Variants in PDLIM5 observed in about 807,000 individuals in gnomAD.
PDLIM5 encodes the protein PDZ and LIM domain 5.
PDLIM5 carries 34 observed loss-of-function variants against 64.2 expected under a neutral mutation model. The observed-to-expected ratio is 0.53, with a 90% confidence interval of 0.40 to 0.71. PDLIM5 has a LOEUF of 0.71. Among genes scored for constraint, PDLIM5 ranks in the 30% least tolerant of loss-of-function variants. The pLI is 0.00. For missense variants in PDLIM5, 683 were observed against 733.6 expected, an observed-to-expected ratio of 0.93 and a Z score of 0.80; for synonymous variants, 253 against 269.1, an observed-to-expected ratio of 0.94 and a Z score of 0.59.
At chr4:94,573,268 A>C in intron 3 of PDLIM5, 83 bp from the exon 4 acceptor site, 2 of 998,054 alleles carry the variant, frequency 2.0e-6, no homozygotes, top group Non-Finnish European at 3.0e-6. Context: ...GCTATATTAT[A>C]ATAGTAAAAA....
intron 7 of PDLIM5, among the ~76,000 whole-genome samples, chr4:94,595,662 T>C (rs913596383): frequency 6.6e-6 from 1 of 152,220 alleles, no homozygotes; most frequent in Non-Finnish European, 1.5e-5. Flanking sequence ...CAAAATAGAT[T>C]AATGAAGAAA....
chr4:94,496,370 T>C (rs1400748752), intron 2 of PDLIM5, among the ~76,000 whole-genome samples: 1 of 152,240 alleles, frequency 6.6e-6, no homozygotes, highest in African/African-American at 2.4e-5. Flanking sequence ...ATTCCTCTTA[T>C]ACCTTGAATA....
chr4:94,665,743 A>C lies in PDLIM5; in HGVS notation c.*1676A>C, dbSNP rs1219530736. The stretch of plus-strand genomic sequence containing the variant: ...AAAGATTGGTTTGAGGATGTGATGA[A>C]ATTGAGACTTTTTGTGGTTTTCTCT... On this transcript the variant is annotated 3_prime_UTR_variant, in exon 13 of 13. Coordinates refer to ENST00000317968, the MANE Select transcript of PDLIM5 (RefSeq NM_006457.5). 11 of 1,225,806 alleles carry C rather than the reference A, an allele frequency of 9.0e-6. No individual in the cohort carries two copies. The highest frequency in any genetic ancestry group is 1.1e-5 in the Non-Finnish European group (11 of 982,778). 75.9% of individuals were successfully genotyped at this position (1,225,806 alleles called of 1,614,324 possible). A position where few individuals can be genotyped will look rare whatever the true frequency, so the allele number is the denominator to read the frequency against.
chr4:94,534,198 GACAA>G (rs1404521014), intron 3 of PDLIM5, among the ~76,000 whole-genome samples: 1 of 152,096 alleles, frequency 6.6e-6, no homozygotes, highest in Non-Finnish European at 1.5e-5. Context: ...AAGTCAGAAA[GACAA>G]ACAAAAATGT....
chr4:94,540,191 C>T (rs376630818), intron 3 of PDLIM5, among the ~76,000 whole-genome samples: 3 of 149,688 alleles, frequency 2.0e-5, no homozygotes, highest in Admixed American at 1.3e-4. Flanking sequence ...AGTGCAGTGG[C>T]GCGATCTCGG....
At chr4:94,557,217 G>A (rs1274843758) in intron 3 of PDLIM5, among the ~76,000 whole-genome samples, 1 of 152,130 alleles carries the variant, frequency 6.6e-6, no homozygotes, top group Non-Finnish European at 1.5e-5. Context: ...GATGGTTGTA[G>A]ATGTGTGGTA....
chr4:94,561,064 CTTGTCTTTGAAGTCAGTAT>C lies in PDLIM5; in HGVS notation c.249-12285_249-12267del, dbSNP rs112075528. On this transcript the variant is annotated intron_variant, in intron 3 of 12. Coordinates refer to ENST00000317968, the MANE Select transcript of PDLIM5 (RefSeq NM_006457.5). ...TTTTAAAAAATGTACCTATGAGTTGCTTGTCTTTGAAGTCAGTATTAGTGTCGGGTTTATTTGGCAGTCT... is the reference window on the plus strand; with the variant it reads ...TTTTAAAAAATGTACCTATGAGTTGCTAGTGTCGGGTTTATTTGGCAGTCT... Among the ~76,000 whole-genome samples the C allele has an allele frequency of 9.3e-3, 1,417 of 152,234 alleles. 30 individuals carry two copies. The highest frequency in any genetic ancestry group is 0.031 in the African/African-American group (1,295 of 41,534).
At chr4:94,453,244 C>G (rs937391787) in intron 1 of PDLIM5, among the ~76,000 whole-genome samples, 2 of 152,124 alleles carry the variant, frequency 1.3e-5, no homozygotes, top group African/African-American at 4.8e-5. Context: ...GGCTTGGGCA[C>G]TAATAACCAG....
chr4:94,552,733 G>A (rs1320249782), intron 3 of PDLIM5, among the ~76,000 whole-genome samples: 1 of 151,918 alleles, frequency 6.6e-6, no homozygotes, highest in Non-Finnish European at 1.5e-5. Flanking sequence ...TCATAGAGAA[G>A]GATAAGATCT....
intron 2 of PDLIM5, among the ~76,000 whole-genome samples, chr4:94,522,970 T>C (rs1729960990): frequency 6.7e-6 from 1 of 148,726 alleles, no homozygotes; most frequent in African/African-American, 2.6e-5. Flanking sequence ...TCACTTAGTA[T>C]AATATATCTG....
intron 11 of PDLIM5, among the ~76,000 whole-genome samples, chr4:94,661,234 T>A (rs532566478): frequency 2.3e-4 from 35 of 151,288 alleles, no homozygotes; most frequent in South Asian, 6.3e-4. Context: ...ACAAAAAAAA[T>A]TTTTTTTTAA....
chr4:94,501,925 C>G (rs559836309), intron 2 of PDLIM5, among the ~76,000 whole-genome samples: 14 of 152,294 alleles, frequency 9.2e-5, no homozygotes, highest in Middle Eastern at 3.4e-3. Context: ...CTGGATGAGC[C>G]TACTAATGGG....
At chr4:94,608,005 G>A (rs1738064884) in intron 7 of PDLIM5, 2 of 1,305,322 alleles carry the variant, frequency 1.5e-6, no homozygotes, top group South Asian at 1.4e-5. Context: ...AATGTCTTTT[G>A]TACTTTTCAT....
intron 3 of PDLIM5, among the ~76,000 whole-genome samples, chr4:94,538,392 T>C (rs915429776): frequency 7.9e-5 from 12 of 152,210 alleles, no homozygotes; most frequent in African/African-American, 2.2e-4. Flanking sequence ...ATTCAAACTT[T>C]CATTTTGATT....
intron 2 of PDLIM5, among the ~76,000 whole-genome samples, chr4:94,494,066 C>A (rs991819993): frequency 7.2e-5 from 11 of 151,780 alleles, no homozygotes; most frequent in Non-Finnish European, 1.5e-4. Context: ...TTCAAGTGAT[C>A]CTCCCACTTC....
intron 3 of PDLIM5, among the ~76,000 whole-genome samples, chr4:94,571,712 C>A (rs976746274): frequency 3.9e-5 from 6 of 152,106 alleles, no homozygotes; most frequent in Non-Finnish European, 8.8e-5. Flanking sequence ...TAATCTATGA[C>A]ATTGTTAAAG....
At chr4:94,542,625 A>G (rs1380120623) in intron 3 of PDLIM5, among the ~76,000 whole-genome samples, 1 of 152,152 alleles carries the variant, frequency 6.6e-6, no homozygotes, top group African/African-American at 2.4e-5. Context: ...GTGCTTCAAT[A>G]GTGTATACTG....
chr4:94,455,368 C>T lies in PDLIM5; in HGVS notation c.80C>T (p.Pro27Leu). ...RLQGGKDFNM[P>L]LTISSLKDGG... ...CAGGGCGGTAAGGATTTCAACATGCCTCTGACAATCTCTAGTGTAAGTAAA... is the reference window on the plus strand; with the variant it reads ...CAGGGCGGTAAGGATTTCAACATGCTTCTGACAATCTCTAGTGTAAGTAAA... Residue 27 changes from proline to leucine, a missense_variant, in exon 2 of 13, where the codon CCT (proline) becomes CTT (leucine). Coordinates refer to ENST00000317968, the MANE Select transcript of PDLIM5 (RefSeq NM_006457.5). 6.2e-7 allele frequency: 1 copy of T among 1,606,234 alleles called. No homozygotes were observed. Among genetic ancestry groups the T allele is most frequent in the Non-Finnish European group, 8.5e-7 (1 of 1,172,802 alleles).
At chr4:94,655,615 A>G (rs1219337008) in intron 10 of PDLIM5, among the ~76,000 whole-genome samples, 1 of 152,220 alleles carries the variant, frequency 6.6e-6, no homozygotes, top group African/African-American at 2.4e-5. Flanking sequence ...TGTTGGGAAC[A>G]AAGAAGTGGA....
Sources: allele counts gnomAD v4.1 joint callset (sites outside exome capture counted in the v4.1 genomes callset), GRCh38; gene constraint gnomAD v4.1.1; transcripts MANE v1.5; gene names NCBI Gene and HGNC (gene_info 2026-07-23, HGNC 2026-07-21).